KDM4C: variants seen among roughly 807,000 people sequenced by gnomAD.
KDM4C encodes lysine-specific demethylase 4C.
In KDM4C, 81 loss-of-function variants were observed where a neutral mutation model predicts 129.3. The ratio of observed to expected loss-of-function variants is 0.63; its 90% CI spans 0.52 to 0.75. KDM4C has a LOEUF of 0.75. Ranked by LOEUF, KDM4C falls within the 30% of genes least tolerant of loss-of-function variation. The pLI is 0.00. For missense variants in KDM4C, 1,457 were observed against 1,304.0 expected (o/e 1.12, Z -1.81); for synonymous variants, 573 against 456.1 (o/e 1.26, Z -3.26).
intron 12 of KDM4C, among the ~76,000 whole-genome samples, chr9:7,004,873 T>C (rs1821370327): frequency 6.6e-6 from 1 of 152,210 alleles, no homozygotes; most frequent in Non-Finnish European, 1.5e-5. Flanking sequence ...TCTGGATGGC[T>C]GCTGCGGGGT....
intron 5 of KDM4C, among the ~76,000 whole-genome samples, chr9:6,867,916 A>G (rs747376510): frequency 1.0e-3 from 158 of 152,208 alleles, no homozygotes; most frequent in Non-Finnish European, 1.9e-3. Context: ...ATGGAATCCA[A>G]ATCTTACACA....
intron 12 of KDM4C, among the ~76,000 whole-genome samples, chr9:7,005,897 G>A (rs1235779026): frequency 6.8e-6 from 1 of 147,536 alleles, no homozygotes; most frequent in African/African-American, 2.5e-5. Context: ...CTGATAGGTT[G>A]GAGCAGAGCT....
At chr9:6,748,799 T>C in intron 1 of KDM4C, 1 of 1,352,574 alleles carries the variant, frequency 7.4e-7, no homozygotes, top group Non-Finnish European at 1.1e-6. Flanking sequence ...GAATCTCTTC[T>C]GCATCATCTA....
chr9:6,740,173 C>T (rs765072706), intron 1 of KDM4C, among the ~76,000 whole-genome samples: 3 of 150,828 alleles, frequency 2.0e-5, no homozygotes, highest in East Asian at 2.0e-4. Flanking sequence ...TACAGGTGTG[C>T]GACACCACAC....
chr9:6,847,574 TAG>T (rs1838073248), intron 4 of KDM4C, among the ~76,000 whole-genome samples: 1 of 152,108 alleles, frequency 6.6e-6, no homozygotes, highest in African/African-American at 2.4e-5. Context: ...GTATTTTTAG[TAG>T]AGACAGGGTT....
At chr9:6,925,108 A>G in intron 8 of KDM4C, 1 of 985,370 alleles carries the variant, frequency 1.0e-6, no homozygotes, top group Non-Finnish European at 1.2e-6. Flanking sequence ...CAGACCATGC[A>G]TTTTTCCTCT....
At chr9:7,052,444 C>G (rs1226004420) in intron 17 of KDM4C, among the ~76,000 whole-genome samples, 3 of 152,226 alleles carry the variant, frequency 2.0e-5, no homozygotes, top group Non-Finnish European at 4.4e-5. Flanking sequence ...CTTATAATGA[C>G]TGTGGCTGGA....
At chr9:6,859,813 C>T (rs957400248) in intron 5 of KDM4C, among the ~76,000 whole-genome samples, 1 of 146,746 alleles carries the variant, frequency 6.8e-6, no homozygotes, top group African/African-American at 2.5e-5. Context: ...TGTAGCAAGC[C>T]GAGATCGTGC....
At chr9:6,751,090 G>A (rs1451036636) in intron 1 of KDM4C, among the ~76,000 whole-genome samples, 5 of 152,180 alleles carry the variant, frequency 3.3e-5, no homozygotes, top group African/African-American at 4.8e-5. Context: ...TGTATCTAAT[G>A]TCTAGCTTTG....
intron 1 of KDM4C, among the ~76,000 whole-genome samples, chr9:6,746,840 A>G (rs1817892588): frequency 6.7e-6 from 1 of 149,696 alleles, no homozygotes; most frequent in South Asian, 2.1e-4. Flanking sequence ...AACCGTCTCT[A>G]CTAAAAATAC....
intron 1 of KDM4C, among the ~76,000 whole-genome samples, chr9:6,744,395 T>C (rs189284006): frequency 3.3e-5 from 5 of 151,914 alleles, no homozygotes; most frequent in Non-Finnish European, 7.4e-5. Context: ...CATGGTGGCG[T>C]GCGCCTGTAA....
chr9:6,813,322 C>G (rs1221206405), intron 3 of KDM4C, among the ~76,000 whole-genome samples: 1 of 152,198 alleles, frequency 6.6e-6, no homozygotes, highest in Non-Finnish European at 1.5e-5. Flanking sequence ...AGCCACCATG[C>G]CCATCCCATG....
At chr9:6,953,371 C>T (rs920919989) in intron 8 of KDM4C, among the ~76,000 whole-genome samples, 4 of 152,120 alleles carry the variant, frequency 2.6e-5, no homozygotes, top group African/African-American at 9.7e-5. Context: ...ATAATTTATT[C>T]TGCTTTGACC....
At chr9:7,033,571 C>T (rs950351573) in intron 15 of KDM4C, among the ~76,000 whole-genome samples, 84 of 152,272 alleles carry the variant, frequency 5.5e-4, no homozygotes, top group East Asian at 9.6e-4. Flanking sequence ...ATGTGGAAGC[C>T]GTCCTGTTAG....
At chr9:6,857,609 A>C (rs964707437) in intron 5 of KDM4C, among the ~76,000 whole-genome samples, 1 of 152,092 alleles carries the variant, frequency 6.6e-6, no homozygotes, top group African/African-American at 2.4e-5. Flanking sequence ...AAGTGTTGAG[A>C]TTTTACTAAT....
intron 2 of KDM4C, among the ~76,000 whole-genome samples, chr9:6,801,637 CTCTG>C (rs1588366449): frequency 6.6e-6 from 1 of 151,556 alleles, no homozygotes; most frequent in Admixed American, 6.6e-5. Context: ...CTCTCTCTCT[CTCTG>C]TCTCTCTCTC....
chr9:6,968,198 C>T (rs1255678876), intron 8 of KDM4C, among the ~76,000 whole-genome samples: 1 of 152,146 alleles, frequency 6.6e-6, no homozygotes, highest in African/African-American at 2.4e-5. Flanking sequence ...ATGAACAATG[C>T]CCTGGGTGCA....
At chr9:6,904,978 C>T (rs1452616830) in intron 8 of KDM4C, among the ~76,000 whole-genome samples, 1 of 152,088 alleles carries the variant, frequency 6.6e-6, no homozygotes, top group East Asian at 1.9e-4. Context: ...ACAAAAAAAT[C>T]CTCAGCACAA....
intron 1 of KDM4C, among the ~76,000 whole-genome samples, chr9:6,738,149 C>G (rs1744054651): frequency 6.8e-6 from 1 of 147,122 alleles, no homozygotes. Flanking sequence ...CTAAACTAAA[C>G]TAAACTAAAC....
Sources: gnomAD v4.1 joint callset for allele counts (sites outside exome capture counted in the v4.1 genomes callset) on GRCh38, gnomAD v4.1.1 for gene constraint, MANE v1.5 for transcripts, NCBI Gene and HGNC (gene_info 2026-07-23, HGNC 2026-07-21) for gene names.